ZNF567: variants seen among roughly 807,000 people sequenced by gnomAD.
The protein encoded by ZNF567 is zinc finger protein 567.
Under a neutral mutation model 53.9 loss-of-function variants are expected in ZNF567, and 36 were observed. The ratio of observed to expected loss-of-function variants is 0.67; its 90% CI spans 0.51 to 0.88. ZNF567 has a LOEUF of 0.88. Ranked by LOEUF, ZNF567 falls within the 40% of genes least tolerant of loss-of-function variation. The pLI, the probability that ZNF567 is intolerant of heterozygous loss-of-function variation, is 0.00. For missense variants in ZNF567, 619 were observed against 764.7 expected (o/e 0.81, Z 2.25); for synonymous variants, 224 against 260.4 (o/e 0.86, Z 1.35).
intron 3 of ZNF567, among the ~76,000 whole-genome samples, chr19:36,698,668 A>G (rs2039016155): frequency 6.6e-6 from 1 of 151,426 alleles, no homozygotes; most frequent in Non-Finnish European, 1.5e-5. Flanking sequence ...CATTTCTCTG[A>G]TGGCCAGTGA....
the ZNF567 span, among the ~76,000 whole-genome samples, chr19:36,677,123 C>G: frequency 2.4e-5 from 3 of 127,054 alleles, no homozygotes; most frequent in South Asian, 7.6e-4. Flanking sequence ...CCATTGCACT[C>G]TAGCCTGGGC....
downstream of ZNF567, among the ~76,000 whole-genome samples, chr19:36,724,240 A>G (rs1339027586): frequency 6.6e-6 from 1 of 151,710 alleles, no homozygotes; most frequent in Non-Finnish European, 1.5e-5. Flanking sequence ...ATCCGACTTC[A>G]GGTGATCCGC....
chr19:36,718,515 A>T (rs3108199), intron 5 of ZNF567, among the ~76,000 whole-genome samples: 53,803 of 151,310 alleles, frequency 0.36, 10,273 homozygotes, highest in African/African-American at 0.51. Context: ...AAATAATAAT[A>T]ATTATTATAG....
At chr19:36,700,420 GGAT>G (rs1490686061) in intron 3 of ZNF567, among the ~76,000 whole-genome samples, 3 of 151,244 alleles carry the variant, frequency 2.0e-5, no homozygotes, top group Non-Finnish European at 2.9e-5. Flanking sequence ...TTTGGTATCA[GGAT>G]GATGCTGGCC....
chr19:36,719,489 C>T lies in ZNF567; in HGVS notation c.765C>T (p.Cys255=). 6.2e-7 allele frequency: 1 copy of T among 1,611,922 alleles called. No individual in the cohort carries two copies. The highest frequency in any genetic ancestry group is 8.5e-7 in the Non-Finnish European group (1 of 1,179,318). The part of the protein sequence containing the change: ...RATNIEKKHT[C]NECGKSFCRK... Reference sequence around the variant, plus strand: ...CCAATATTGAAAAAAAACATACATGCAATGAATGTGGGAAATCTTTCTGCA... The same window carrying T: ...CCAATATTGAAAAAAAACATACATGTAATGAATGTGGGAAATCTTTCTGCA... Residue 255 remains cysteine (C), a synonymous_variant, in exon 6 of 6, where the codon TGC becomes TGT. Coordinates refer to ENST00000682579, the MANE Select transcript of ZNF567 (RefSeq NM_001322917.1).
intron 4 of ZNF567, 83 bp downstream of exon 4, chr19:36,712,595 A>G: frequency 6.4e-7 from 1 of 1,570,596 alleles, no homozygotes; most frequent in Non-Finnish European, 8.7e-7. Context: ...AATTTCAGGA[A>G]TAAGAGGTGA....
intron 3 of ZNF567, among the ~76,000 whole-genome samples, chr19:36,699,319 C>T (rs1007785278): frequency 9.9e-5 from 15 of 152,284 alleles, no homozygotes; most frequent in African/African-American, 3.4e-4. Context: ...GTTTTAGTTA[C>T]TGTAACCTTG....
At chr19:36,721,745 T>TTTTC (rs1436319712), downstream of ZNF567, among the ~76,000 whole-genome samples, 20 of 102,652 alleles carry the variant, frequency 1.9e-4, no homozygotes, top group African/African-American at 8.9e-4. Flanking sequence ...TTTTTTTTTC[T>TTTTC]TTTTTTTTTT....
the ZNF567 span, among the ~76,000 whole-genome samples, chr19:36,676,382 T>A: frequency 2.0e-5 from 3 of 146,482 alleles, no homozygotes; most frequent in African/African-American, 7.5e-5. Context: ...TTTTTTTTTT[T>A]AACTGATCAC....
the ZNF567 span, among the ~76,000 whole-genome samples, chr19:36,675,592 G>C: frequency 1.3e-5 from 2 of 152,216 alleles, no homozygotes; most frequent in African/African-American, 4.8e-5. Context: ...AGAATCACTT[G>C]AACCCGGGAG....
At chr19:36,672,004 C>T in the ZNF567 span, among the ~76,000 whole-genome samples, 1 of 152,236 alleles carries the variant, frequency 6.6e-6, no homozygotes, top group Non-Finnish European at 1.5e-5. Flanking sequence ...CTCGTGGCCT[C>T]ATGGGGAGTT....
In ZNF567 at chr19:36,718,949, A is replaced by C. The variant is rs1484347179; in HGVS notation, c.225A>C (p.Glu75Asp). ...WTSFAGHTCL[E>D]ENWKAEDFLV... ...GTTATCAATTATATTCTTTTCTAGA[A>C]GAAAACTGGAAAGCTGAAGACTTTT... Residue 75 changes from glutamate to aspartate, a missense_variant and splice_region_variant, in exon 6 of 6, where the codon GAA (glutamate) becomes GAC (aspartate). By Grantham distance (45) the Glu-to-Asp change is conservative (BLOSUM62 2). Transcript: ENST00000682579. 7.7e-6 allele frequency: 12 copies of C among 1,553,012 alleles called. No homozygotes were observed. In the South Asian group the frequency reaches 1.5e-4, roughly 19 times the overall value.
rs1410231243 is a variant in ZNF567, at chr19:36,719,828, T to C, written c.1104T>C (p.Asn368=). The C allele has an allele frequency of 2.5e-6, 4 of 1,614,068 alleles. No homozygotes were observed. In the East Asian group the frequency reaches 8.9e-5, roughly 36 times the overall value. The change falls in exon 6 of 6, where the codon AAT becomes AAC. Residue 368 remains asparagine, a synonymous_variant. Coordinates refer to ENST00000682579, the MANE Select transcript of ZNF567 (RefSeq NM_001322917.1). ...THTGEKPYEC[N]DCGKSFRQKT... ...CGGGAGAGAAACCATATGAGTGTAA[T>C]GACTGTGGGAAGTCCTTCCGCCAGA...
the ZNF567 span, among the ~76,000 whole-genome samples, chr19:36,672,026 G>C: frequency 5.0e-3 from 769 of 152,316 alleles, 6 homozygotes; most frequent in South Asian, 0.016. Flanking sequence ...CCTATGATCA[G>C]TTGATAGAGG....
At chr19:36,667,226 GTA>G in the ZNF567 span, among the ~76,000 whole-genome samples, 1 of 152,140 alleles carries the variant, frequency 6.6e-6, no homozygotes. Flanking sequence ...CGTGAGATTT[GTA>G]TGTGAAACGA....
downstream of ZNF567, among the ~76,000 whole-genome samples, chr19:36,724,082 C>G (rs1229192446): frequency 6.7e-6 from 1 of 148,218 alleles, no homozygotes; most frequent in Non-Finnish European, 1.5e-5. Flanking sequence ...TCTCGGCTCA[C>G]CACAACCTCT....
chr19:36,723,222 A>G (rs759052511), downstream of ZNF567: 3 of 702,944 alleles, frequency 4.3e-6, no homozygotes, highest in South Asian at 4.4e-5. Context: ...TGTTTATCCT[A>G]GCGTCAACCC....
chr19:36,669,466 G>A, the ZNF567 span: 4 of 152,206 alleles, frequency 2.6e-5, no homozygotes, highest in South Asian at 2.1e-4. Context: ...CCATGGATAC[G>A]TTACAGTGGG....
At chr19:36,669,208 G>A in the ZNF567 span, 1 of 152,094 alleles carries the variant, frequency 6.6e-6, no homozygotes, top group Non-Finnish European at 1.5e-5. Flanking sequence ...GGGACACTGA[G>A]GGATGACTAT....
Sources: gnomAD v4.1 joint callset for allele counts (sites outside exome capture counted in the v4.1 genomes callset) on GRCh38, gnomAD v4.1.1 for gene constraint, MANE v1.5 for transcripts, NCBI Gene and HGNC (gene_info 2026-07-23, HGNC 2026-07-21) for gene names.